B3GALT1: variants seen among roughly 807,000 people sequenced by gnomAD.
The protein encoded by B3GALT1 is UDP-Gal:betaGlcNAc beta 1,3-galactosyltransferase, polypeptide 1.
B3GALT1 carries 10 observed loss-of-function variants against 23.2 expected under a neutral mutation model. The ratio of observed to expected loss-of-function variants is 0.43; its 90% CI spans 0.27 to 0.73. The LOEUF is 0.73. B3GALT1 is among the 30% of genes least tolerant of loss of function. The pLI is 0.21. For missense variants in B3GALT1, 299 were observed against 405.4 expected, an observed-to-expected ratio of 0.74 and a Z score of 2.25; for synonymous variants, 156 against 141.5, an observed-to-expected ratio of 1.10 and a Z score of -0.73.
intron 1 of B3GALT1, among the ~76,000 whole-genome samples, chr2:167,418,574 G>A (rs1015523316): frequency 1.3e-5 from 2 of 152,042 alleles, no homozygotes; most frequent in African/African-American, 2.4e-5. Flanking sequence ...AATTAAATTT[G>A]TACTCAATAG....
chr2:167,350,258 A>G (rs374976528), intron 1 of B3GALT1, among the ~76,000 whole-genome samples: 1 of 152,196 alleles, frequency 6.6e-6, no homozygotes, highest in African/African-American at 2.4e-5. Context: ...CAGTTTGTTC[A>G]TCATTTGAAG....
chr2:167,395,092 T>G (rs548204966), intron 1 of B3GALT1, among the ~76,000 whole-genome samples: 3 of 152,246 alleles, frequency 2.0e-5, no homozygotes, highest in East Asian at 1.9e-4. Flanking sequence ...TATTTTAAAT[T>G]GATGCTGTGA....
intron 2 of B3GALT1, among the ~76,000 whole-genome samples, chr2:167,600,758 C>G (rs961954402): frequency 6.6e-6 from 1 of 152,144 alleles, no homozygotes. Flanking sequence ...AATAACATTC[C>G]ATGGTATGGA....
At chr2:167,662,872 C>T (rs1047841665) in intron 3 of B3GALT1, among the ~76,000 whole-genome samples, 4 of 152,202 alleles carry the variant, frequency 2.6e-5, no homozygotes, top group Middle Eastern at 3.4e-3. Flanking sequence ...CTGTAATGCT[C>T]TTCCAAAGAT....
intron 2 of B3GALT1, among the ~76,000 whole-genome samples, chr2:167,495,025 A>G (rs987151634): frequency 3.3e-5 from 5 of 152,192 alleles, no homozygotes; most frequent in Non-Finnish European, 7.3e-5. Context: ...TGTATATGAC[A>G]AAAACAAAAA....
intron 2 of B3GALT1, among the ~76,000 whole-genome samples, chr2:167,586,075 C>G (rs1684580441): frequency 6.6e-6 from 1 of 152,130 alleles, no homozygotes; most frequent in South Asian, 2.1e-4. Flanking sequence ...GGTGTATTCA[C>G]TTAGTAAACA....
At chr2:167,630,887 A>G (rs751405765) in intron 2 of B3GALT1, among the ~76,000 whole-genome samples, 1 of 151,664 alleles carries the variant, frequency 6.6e-6, no homozygotes, top group South Asian at 2.1e-4. Flanking sequence ...ATTGTGTACA[A>G]CTTTCTTGCT....
chr2:167,435,557 A>G (rs546372206), intron 1 of B3GALT1, among the ~76,000 whole-genome samples: 3 of 150,874 alleles, frequency 2.0e-5, no homozygotes, highest in South Asian at 2.1e-4. Context: ...TCTTAGATGT[A>G]TATCTGGGAA....
intron 2 of B3GALT1, among the ~76,000 whole-genome samples, chr2:167,605,056 A>C (rs1684939560): frequency 6.6e-6 from 1 of 152,216 alleles, no homozygotes; most frequent in Admixed American, 6.5e-5. Context: ...CTTGTATTCA[A>C]GTCAAGTTTT....
intron 1 of B3GALT1, among the ~76,000 whole-genome samples, chr2:167,463,549 C>G (rs1411989487): frequency 1.3e-5 from 2 of 152,132 alleles, no homozygotes; most frequent in African/African-American, 4.8e-5. Flanking sequence ...GAAAGTTTGA[C>G]TCTAAAATCT....
intron 1 of B3GALT1, among the ~76,000 whole-genome samples, chr2:167,450,260 T>G (rs1699067486): frequency 6.6e-6 from 1 of 152,072 alleles, no homozygotes; most frequent in African/African-American, 2.4e-5. Context: ...TATTACCTTT[T>G]CAGTCTGGCT....
chr2:167,714,086 G>A, intron 3 of B3GALT1: 1 of 1,533,574 alleles, frequency 6.5e-7, no homozygotes, highest in Non-Finnish European at 9.0e-7. Flanking sequence ...ATTTCTAGTG[G>A]ATTCCATTTC....
rs113334190 is a variant in B3GALT1, at chr2:167,433,654, T to C, written c.-510-56523T>C. On this transcript the variant is annotated intron_variant, in intron 1 of 4. Transcript: ENST00000392690. ...CTACACAACAGAAAATTAAAGAGTG[T>C]ATTGATTTCAGAATGCAGATAATAG... is the stretch of plus-strand genomic sequence containing the variant. 5.3e-5 allele frequency among the ~76,000 whole-genome samples: 8 copies of C among 152,322 alleles called. 1 individual carries two copies. Among genetic ancestry groups the C allele is most frequent in the African/African-American group, 1.9e-4 (8 of 41,580 alleles).
chr2:167,552,661 A>T (rs1298148015), intron 2 of B3GALT1, among the ~76,000 whole-genome samples: 3 of 152,204 alleles, frequency 2.0e-5, no homozygotes, highest in African/African-American at 7.2e-5. Flanking sequence ...AATCAAAAAA[A>T]TTCTTCCAAA....
At chr2:167,548,373 A>C (rs1383484573) in intron 2 of B3GALT1, among the ~76,000 whole-genome samples, 1 of 152,168 alleles carries the variant, frequency 6.6e-6, no homozygotes, top group Non-Finnish European at 1.5e-5. Context: ...CTCTCTCATA[A>C]ATGCCTGAAG....
chr2:167,712,346 A>G (rs1322427915), intron 3 of B3GALT1, among the ~76,000 whole-genome samples: 1 of 151,948 alleles, frequency 6.6e-6, no homozygotes, highest in Non-Finnish European at 1.5e-5. Context: ...GAGTACAAAC[A>G]CATGTGATTA....
At chr2:167,767,629 G>C (rs905971791) in intron 3 of B3GALT1, among the ~76,000 whole-genome samples, 1 of 152,152 alleles carries the variant, frequency 6.6e-6, no homozygotes, top group Non-Finnish European at 1.5e-5. Flanking sequence ...CATGGGCAAT[G>C]TGAAGACACC....
chr2:167,397,816 C>T (rs1698120746), intron 1 of B3GALT1, among the ~76,000 whole-genome samples: 1 of 152,040 alleles, frequency 6.6e-6, no homozygotes, highest in Non-Finnish European at 1.5e-5. Flanking sequence ...CAATTAAAGA[C>T]AACAGAACTA....
chr2:167,560,690 A>G (rs1240081759), intron 2 of B3GALT1, among the ~76,000 whole-genome samples: 1 of 151,948 alleles, frequency 6.6e-6, no homozygotes, highest in Non-Finnish European at 1.5e-5. Context: ...AAACCAACAA[A>G]GATCAAAAGA....
Sources: gnomAD v4.1 joint callset for allele counts (sites outside exome capture counted in the v4.1 genomes callset) on GRCh38, gnomAD v4.1.1 for gene constraint, MANE v1.5 for transcripts, NCBI Gene and HGNC (gene_info 2026-07-23, HGNC 2026-07-21) for gene names.